The following ENO4 variants were observed in gnomAD, a reference collection of about 807,000 sequenced individuals.
ENO4 encodes 2-phospho-D-glycerate hydro-lyase.
A neutral mutation model predicts 63.2 loss-of-function variants in ENO4; 53 were observed. The observed-to-expected ratio is 0.84, with a 90% CI of 0.67 to 1.05. The LOEUF is 1.05. ENO4 is among the 50% of genes least tolerant of loss of function. The pLI, the probability that ENO4 is intolerant of heterozygous loss-of-function variation, is 0.00. For synonymous variants in ENO4, 266 were observed against 283.8 expected, an observed-to-expected ratio of 0.94 and a Z score of 0.63; for missense variants, 719 against 772.0, an observed-to-expected ratio of 0.93 and a Z score of 0.81.
chr10:116,874,341 CA>C (rs1473561605), intron 10 of ENO4, 140 bp downstream of exon 10: 2 of 879,546 alleles, frequency 2.3e-6, no homozygotes, highest in Non-Finnish European at 3.2e-6. Flanking sequence ...GGATCGTTGT[CA>C]TTCAAAATGT....
chr10:116,882,964 A>G (rs1847061580), downstream of ENO4: 1 of 147,286 alleles, frequency 6.8e-6, no homozygotes, highest in Non-Finnish European at 1.5e-5. Context: ...ATACCCTTTG[A>G]AAAATACACA....
At chr10:116,895,828 C>G (rs990881830) in intron 10 of ENO4, among the ~76,000 whole-genome samples, 2 of 152,126 alleles carry the variant, frequency 1.3e-5, no homozygotes, top group Non-Finnish European at 2.9e-5. Context: ...AGTTGTTTAC[C>G]TCACTGAGCC....
intron 13 of ENO4, 115 bp downstream of exon 13, chr10:116,880,101 A>AT: frequency 1.4e-6 from 1 of 719,662 alleles, no homozygotes; most frequent in Non-Finnish European, 2.3e-6. Flanking sequence ...AAGACCATAC[A>AT]TAAGTGCTGA....
intron 10 of ENO4, among the ~76,000 whole-genome samples, chr10:116,875,561 T>TCTCACACACACA (rs1554902980): frequency 1.1e-4 from 17 of 147,908 alleles, no homozygotes; most frequent in African/African-American, 4.3e-4. Context: ...TCCAGGCTGG[T>TCTCACACACACA]CACACACACA....
chr10:116,901,951 G>C, intron 10 of ENO4: 1 of 1,595,748 alleles, frequency 6.3e-7, no homozygotes, highest in Non-Finnish European at 8.5e-7. Flanking sequence ...TAATATCCCA[G>C]TTGGACCTTA....
rs770377603 is a variant in ENO4, at chr10:116,871,264, A to G, written c.1187A>G (p.Asn396Ser). Residue 396 changes from asparagine (N) to serine (S), a missense_variant, in exon 9 of 14, where the codon AAC becomes AGC. By Grantham distance (46) the Asn-to-Ser change is conservative. Coordinates refer to ENST00000341276, the MANE Select transcript of ENO4 (RefSeq NM_001242699.2). Reference sequence around the variant, plus strand: ...GGAACAAATCTGCATCTAGCTATCAACTGTGCTGGACATGAGCTGATGGAC... The same window carrying G: ...GGAACAAATCTGCATCTAGCTATCAGCTGTGCTGGACATGAGCTGATGGAC... The part of the protein sequence containing the change: ...ELGTNLHLAI[N>S]CAGHELMDYN... The G allele has an allele frequency of 5.2e-6, 8 of 1,550,472 alleles. No individual in the cohort carries two copies. The highest frequency in any genetic ancestry group is 6.1e-6 in the Non-Finnish European group (7 of 1,146,966).
At chr10:116,901,001 G>C (rs1847711902) in intron 10 of ENO4, 2 of 985,374 alleles carry the variant, frequency 2.0e-6, no homozygotes, top group Non-Finnish European at 2.4e-6. Context: ...CAAAAAAGGG[G>C]TTCTTTCTCT....
At chr10:116,863,514 G>T (rs574239301) in intron 7 of ENO4, among the ~76,000 whole-genome samples, 68 of 152,264 alleles carry the variant, frequency 4.5e-4, no homozygotes, top group African/African-American at 1.6e-3. Flanking sequence ...CTCCAGACTT[G>T]ATTCAAATTT....
intron 11 of ENO4, among the ~76,000 whole-genome samples, chr10:116,876,582 C>A (rs1344363171): frequency 6.6e-6 from 1 of 152,210 alleles, no homozygotes; most frequent in African/African-American, 2.4e-5. Flanking sequence ...TGATTTCTTA[C>A]GAAAGGGCAT....
In ENO4 at chr10:116,855,714, A is replaced by G. The variant is rs530523067; in HGVS notation, c.257A>G (p.Gln86Arg). The part of the protein sequence containing the change: ...VLDGLGLPTL[Q>R]VDIFCTIQNF... The stretch of plus-strand genomic sequence containing the variant: ...GATGGACTGGGGCTTCCAACCCTGC[A>G]AGTGGACATATTCTGCACCATTCAA... The change falls in exon 2 of 14, where the codon CAA becomes CGA. Residue 86 changes from glutamine to arginine, a missense_variant. Physicochemically the swap from Gln to Arg is conservative, Grantham distance 43. Around this residue, in one of 3 missense-constraint regions of ENO4, gnomAD observed 544 missense variants for 583.6 expected, o/e 0.93. Coordinates refer to ENST00000341276, the MANE Select transcript of ENO4 (RefSeq NM_001242699.2). 5 of 1,536,650 alleles carry G rather than the reference A, an allele frequency of 3.3e-6. No homozygotes were observed. The highest frequency in any genetic ancestry group is 1.7e-4 in the Middle Eastern group (1 of 5,996).
intron 10 of ENO4, chr10:116,911,362 G>T: frequency 8.6e-7 from 1 of 1,163,148 alleles, no homozygotes; most frequent in South Asian, 1.8e-5. Flanking sequence ...GGCAGACTGT[G>T]ACCCTGATAT....
At chr10:116,899,546 T>TGTGTGTGTGTGTGTGTGTGTGTGTGA (rs1311755308) in intron 10 of ENO4, among the ~76,000 whole-genome samples, 4 of 123,802 alleles carry the variant, frequency 3.2e-5, no homozygotes, top group African/African-American at 1.2e-4. Context: ...TGTGTGTGTG[T>TGTGTGTGTGTGTGTGTGTGTGTGTGA]GAGAGAGTGC....
intron 10 of ENO4, among the ~76,000 whole-genome samples, chr10:116,899,524 TGTGTGTGTGTGTGTGTGTGTGTGAGA>T (rs1375776111): frequency 1.2e-5 from 1 of 85,372 alleles, no homozygotes; most frequent in African/African-American, 3.1e-5. Flanking sequence ...TGTGTGTGTG[TGTGTGTGTGTGTGTGTGTGTGTGAGA>T]GAGTGCATGC....
At position 116,860,943 on chromosome 10, in the gene ENO4, G is replaced by A. The variant is rs749358070; in HGVS notation, c.784G>A (p.Ala262Thr). The change falls in exon 5 of 14, where the codon GCT (alanine) becomes ACT (threonine). Residue 262 changes from alanine (A) to threonine (T), a missense_variant. Ala to Thr is a moderately conservative substitution (Grantham distance 58, BLOSUM62 0). Transcript: ENST00000341276. ...TAATAAACCTCTGTACTTAAATATC[G>A]CTCTACTGAAGCACAATCAGGTTAG... ...LLNKPLYLNI[A>T]LLKHNQEQPT... The A allele has an allele frequency of 1.9e-5, 30 of 1,543,512 alleles. No homozygotes were observed. Among genetic ancestry groups the A allele is most frequent in the African/African-American group, 8.2e-5 (6 of 72,856 alleles).
chr10:116,889,221 G>T (rs1847258596), intron 10 of ENO4, among the ~76,000 whole-genome samples: 1 of 152,192 alleles, frequency 6.6e-6, no homozygotes, highest in Non-Finnish European at 1.5e-5. Context: ...TCCAGGAAGT[G>T]CTCTCTGGGC....
chr10:116,881,071 T>A (rs1589767822), intron 13 of ENO4, among the ~76,000 whole-genome samples: 1 of 152,124 alleles, frequency 6.6e-6, no homozygotes, highest in Non-Finnish European at 1.5e-5. Context: ...CACTTTAGAG[T>A]AGGAAATCTT....
chr10:116,907,847 T>G, intron 10 of ENO4: 1 of 515,408 alleles, frequency 1.9e-6, no homozygotes, highest in South Asian at 1.4e-5. Context: ...GCTAATAATC[T>G]TGCCAGCCTT....
At chr10:116,911,181 G>A (rs1191118775) in intron 10 of ENO4, among the ~76,000 whole-genome samples, 4 of 152,192 alleles carry the variant, frequency 2.6e-5, no homozygotes, top group Admixed American at 6.5e-5. Context: ...GAGTGCAGTA[G>A]CCGCTGATTC....
At chr10:116,903,851 A>G (rs1274744381) in intron 10 of ENO4, among the ~76,000 whole-genome samples, 1 of 152,232 alleles carries the variant, frequency 6.6e-6, no homozygotes, top group Admixed American at 6.5e-5. Flanking sequence ...ATACAAAAAG[A>G]CATTTTAAAA....
Sources: gnomAD v4.1 joint callset for allele counts (sites outside exome capture counted in the v4.1 genomes callset) on GRCh38, gnomAD v4.1.1 for gene constraint, gnomAD v4.1.1 regional missense constraint, MANE v1.5 for transcripts, NCBI Gene and HGNC (gene_info 2026-07-23, HGNC 2026-07-21) for gene names.